The following PVT1 variants were observed in gnomAD, a reference collection of about 807,000 sequenced individuals.
PVT1 encodes the protein Pvt1 oncogene, also known as CXCR4/PVT1 fusion.
intron 4 of PVT1, among the ~76,000 whole-genome samples, chr8:128,002,066 A>T (rs771714010): frequency 5.3e-5 from 8 of 152,292 alleles, no homozygotes; most frequent in Middle Eastern, 3.4e-3. Flanking sequence ...GCACGTCAAC[A>T]ATCTTTCTGT....
intron 3 of PVT1, among the ~76,000 whole-genome samples, chr8:127,975,801 C>T (rs907897698): frequency 1.3e-5 from 2 of 152,160 alleles, no homozygotes; most frequent in African/African-American, 4.8e-5. Flanking sequence ...GCTTGAAAAA[C>T]GAAGAGAAGA....
intron 2 of PVT1, among the ~76,000 whole-genome samples, chr8:127,889,039 T>TCTTCCTTCCTTCCTTC (rs1201472699): frequency 2.4e-5 from 2 of 82,500 alleles, no homozygotes; most frequent in African/African-American, 5.2e-5. Context: ...TCTCTTTCTT[T>TCTTCCTTCCTTCCTTC]CTTCCTTCCT....
intron 3 of PVT1, among the ~76,000 whole-genome samples, chr8:127,905,945 A>G (rs1815814802): frequency 6.6e-6 from 1 of 152,194 alleles, no homozygotes; most frequent in African/African-American, 2.4e-5. Context: ...CCCCATCTGT[A>G]AAATGGGGCT....
At chr8:128,009,257 T>C (rs1391770242) in intron 4 of PVT1, among the ~76,000 whole-genome samples, 1 of 152,200 alleles carries the variant, frequency 6.6e-6, no homozygotes, top group Non-Finnish European at 1.5e-5. Context: ...CTTTTCAGAA[T>C]TTCCACGACT....
intron 4 of PVT1, among the ~76,000 whole-genome samples, chr8:128,048,270 G>A (rs1563674962): frequency 6.6e-6 from 1 of 152,202 alleles, no homozygotes; most frequent in Non-Finnish European, 1.5e-5. Context: ...GTGAATGAAT[G>A]AATGAACAGA....
At chr8:127,861,668 G>T (rs1815229992) in intron 2 of PVT1, among the ~76,000 whole-genome samples, 2 of 151,958 alleles carry the variant, frequency 1.3e-5, no homozygotes, top group East Asian at 1.9e-4. Flanking sequence ...GTACAGGAAA[G>T]GTACTCCATA....
intron 5 of PVT1, among the ~76,000 whole-genome samples, chr8:128,084,781 A>G (rs544370624): frequency 2.0e-5 from 3 of 152,340 alleles, no homozygotes; most frequent in Non-Finnish European, 4.4e-5. Context: ...AATGGGAGCA[A>G]TGCTGGACCA....
intron 3 of PVT1, among the ~76,000 whole-genome samples, chr8:127,952,119 A>G (rs993014660): frequency 6.6e-6 from 1 of 152,122 alleles, no homozygotes; most frequent in African/African-American, 2.4e-5. Flanking sequence ...TGGCCAAAAA[A>G]CAGAATTCTT....
chr8:127,913,158 C>G (rs186734820), intron 3 of PVT1, among the ~76,000 whole-genome samples: 11 of 152,326 alleles, frequency 7.2e-5, no homozygotes, highest in Admixed American at 7.2e-4. Flanking sequence ...CCTCTTCCCT[C>G]CCTTCTTGCT....
At chr8:127,829,886 G>C (rs937249776) in intron 2 of PVT1, among the ~76,000 whole-genome samples, 4 of 152,228 alleles carry the variant, frequency 2.6e-5, no homozygotes, top group East Asian at 1.9e-4. Flanking sequence ...CCACATGAAG[G>C]CTCCGAAAAA....
At chr8:128,028,348 A>G (rs7834064) in intron 4 of PVT1, among the ~76,000 whole-genome samples, 21,967 of 152,212 alleles carry the variant, frequency 0.14, 3,588 homozygotes, top group African/African-American at 0.41. Flanking sequence ...GTCCAGGGCC[A>G]CAGGCTGGGG....
intron 2 of PVT1, among the ~76,000 whole-genome samples, chr8:127,864,285 C>T (rs1035805688): frequency 2.2e-4 from 33 of 151,716 alleles, no homozygotes; most frequent in African/African-American, 7.3e-4. Flanking sequence ...GAGAGCCTGC[C>T]GGCTGGAACT....
intron 3 of PVT1, among the ~76,000 whole-genome samples, chr8:127,964,763 G>C (rs1208722208): frequency 6.6e-6 from 1 of 151,924 alleles, no homozygotes; most frequent in Non-Finnish European, 1.5e-5. Context: ...TCATGTTTTA[G>C]GGCCTCCAAT....
chr8:127,851,142 A>G (rs1182555201), intron 2 of PVT1, among the ~76,000 whole-genome samples: 1 of 152,264 alleles, frequency 6.6e-6, no homozygotes, highest in African/African-American at 2.4e-5. Context: ...GGGATGAAGG[A>G]AACTCAATTT....
intron 4 of PVT1, among the ~76,000 whole-genome samples, chr8:128,061,098 C>T (rs574041910): frequency 7.4e-4 from 113 of 152,230 alleles, no homozygotes; most frequent in African/African-American, 2.0e-3. Context: ...TTAGTAGAGA[C>T]GGGGTTTCGC....
chr8:128,092,187 T>G (rs970822847), intron 5 of PVT1, among the ~76,000 whole-genome samples: 1 of 152,184 alleles, frequency 6.6e-6, no homozygotes, highest in Non-Finnish European at 1.5e-5. Flanking sequence ...CCCTGCTGTT[T>G]CCCATTTATT....
intron 4 of PVT1, among the ~76,000 whole-genome samples, chr8:128,013,188 G>A (rs1416379704): frequency 6.6e-6 from 1 of 152,058 alleles, no homozygotes; most frequent in African/African-American, 2.4e-5. Flanking sequence ...CCCCTTCCCT[G>A]TGCCTCTGTT....
intron 3 of PVT1, among the ~76,000 whole-genome samples, chr8:127,985,569 C>T (rs1816960424): frequency 6.6e-6 from 1 of 152,140 alleles, no homozygotes; most frequent in Non-Finnish European, 1.5e-5. Context: ...CCACCCTGCC[C>T]TGCACCCCAT....
rs569448801 is a variant in PVT1, at chr8:127,968,275, C to T, written n.783-20887C>T. Among the ~76,000 whole-genome samples, 4 of 152,130 alleles carry T rather than the reference C, an allele frequency of 2.6e-5. No homozygotes were observed. In the South Asian group the frequency reaches 8.3e-4, roughly 32 times the overall value. ...TCTGTCCTCGATGGTCCCTCACTAA[C>T]TGCCTGGCTTCCTAACTGTTGCAGG... On this transcript the variant is annotated intron_variant and non_coding_transcript_variant, in intron 3 of 10. Coordinates refer to ENST00000651587, the Ensembl canonical transcript of PVT1.
Sources: gnomAD v4.1 joint callset for allele counts (sites outside exome capture counted in the v4.1 genomes callset) on GRCh38, gnomAD v4.1.1 for gene constraint, MANE v1.5 for transcripts, NCBI Gene and HGNC (gene_info 2026-07-23, HGNC 2026-07-21) for gene names.